The following GARNL3 variants were observed in gnomAD, a reference collection of about 807,000 sequenced individuals.
GARNL3 encodes GTPase activating Rap/RanGAP domain like 3, also known as GTPase-activating Rap/Ran-GAP domain-like protein 3.
A neutral mutation model predicts 125.0 loss-of-function variants in GARNL3; 63 were observed. The observed-to-expected ratio is 0.50, with a 90% confidence interval of 0.41 to 0.62. The LOEUF is 0.62. Ranked by LOEUF, GARNL3 falls within the 20% of genes least tolerant of loss-of-function variation. The pLI is 0.00. For synonymous variants in GARNL3, 439 were observed against 457.5 expected (o/e 0.96, Z 0.52); for missense variants, 994 against 1,244.0 (o/e 0.80, Z 3.02).
At position 127,229,609 on chromosome 9, in the gene GARNL3, C is replaced by G. The variant is rs2062968004; in HGVS notation, c.-29+5271C>G. 2.0e-5 allele frequency among the ~76,000 whole-genome samples: 3 copies of G among 152,350 alleles called. No homozygotes were observed. The South Asian group carries it at 6.2e-4, about 32-fold the overall frequency. ...CTCCTGGACTTAAGCGATTCTCCAACCCCAGCCTCCCGAGTAGCTGAGACT... is the reference window on the plus strand; with the variant it reads ...CTCCTGGACTTAAGCGATTCTCCAAGCCCAGCCTCCCGAGTAGCTGAGACT... On this transcript the variant is annotated intron_variant, in intron 1 of 10. Transcript: ENST00000439286.
rs555794397 is a variant in GARNL3 at position 127,393,408 on chromosome 9, A to G, written c.*154A>G. ...GCACACTCGGCCAGTTCCCTCTCCA[A>G]TGTCCGGTGCCATCTTTCCTGACCT... On this transcript the variant is annotated 3_prime_UTR_variant, in exon 28 of 28. Transcript: ENST00000373387. 11 of 552,822 alleles carry G rather than the reference A, an allele frequency of 2.0e-5. No individual in the cohort carries two copies. Among genetic ancestry groups the G allele is most frequent in the Admixed American group, 3.0e-5 (1 of 33,112 alleles). 34.2% of individuals were successfully genotyped at this position (552,822 alleles called of 1,614,324 possible).
At chr9:127,335,388 A>G (rs1377874448) in intron 10 of GARNL3, 55 bp downstream of exon 10, 4 of 1,315,244 alleles carry the variant, frequency 3.0e-6, no homozygotes, top group Non-Finnish European at 3.3e-6. Flanking sequence ...AGAGGGCACC[A>G]TTATGATTCC....
chr9:127,355,259 C>T, intron 19 of GARNL3, 38 bp from the exon 20 acceptor site: 1 of 1,588,760 alleles, frequency 6.3e-7, no homozygotes. Flanking sequence ...TCCACACCCG[C>T]ATGTCATGTG....
At chr9:127,249,430 A>C (rs1004292500) in intron 2 of GARNL3, among the ~76,000 whole-genome samples, 4 of 151,930 alleles carry the variant, frequency 2.6e-5, no homozygotes, top group Admixed American at 1.3e-4. Flanking sequence ...CCAAAGATGC[A>C]GGAAAATTAG....
At chr9:127,375,327 G>A (rs529133279) in intron 22 of GARNL3, among the ~76,000 whole-genome samples, 4 of 152,112 alleles carry the variant, frequency 2.6e-5, no homozygotes, top group African/African-American at 4.8e-5. Context: ...TTAGCCAGGC[G>A]CGGTGGCAGG....
chr9:127,240,759 T>C (rs2063189554), intron 1 of GARNL3, among the ~76,000 whole-genome samples: 1 of 151,912 alleles, frequency 6.6e-6, no homozygotes, highest in Non-Finnish European at 1.5e-5. Flanking sequence ...TTTTAAAAAA[T>C]TAGCCAGATG....
chr9:127,253,145 T>C (rs2063435465), intron 2 of GARNL3, among the ~76,000 whole-genome samples: 1 of 152,202 alleles, frequency 6.6e-6, no homozygotes, highest in African/African-American at 2.4e-5. Flanking sequence ...AGCTGAGGGA[T>C]TGACTCATGG....
At chr9:127,283,782 A>G (rs1317131771) in intron 1 of GARNL3, among the ~76,000 whole-genome samples, 2 of 152,220 alleles carry the variant, frequency 1.3e-5, no homozygotes, top group African/African-American at 4.8e-5. Flanking sequence ...TCCTAGCCAA[A>G]TGATCACTTA....
At chr9:127,342,437 C>A (rs111279678) in intron 14 of GARNL3, 103 bp downstream of exon 14, 3 of 755,408 alleles carry the variant, frequency 4.0e-6, no homozygotes, top group Admixed American at 4.3e-5. Context: ...GCGTAGGAGG[C>A]GCCTTGATCC....
In GARNL3 at chr9:127,271,590, A is replaced by G. The variant is rs1463711995; in HGVS notation, c.144+6569A>G. Reference sequence around the variant, plus strand: ...ATTCTAGGCAAGACACAGCTATCACACCATCAACCATTCTTCATCACTTTG... The same window carrying G: ...ATTCTAGGCAAGACACAGCTATCACGCCATCAACCATTCTTCATCACTTTG... On this transcript the variant is annotated intron_variant, in intron 1 of 27. Transcript: ENST00000373387. 4.0e-5 allele frequency among the ~76,000 whole-genome samples: 6 copies of G among 150,548 alleles called. No homozygotes were observed. In the South Asian group the frequency reaches 6.2e-4, roughly 16 times the overall value.
At chr9:127,238,876 T>C (rs912751587) in intron 1 of GARNL3, among the ~76,000 whole-genome samples, 1 of 152,196 alleles carries the variant, frequency 6.6e-6, no homozygotes, top group Admixed American at 6.5e-5. Context: ...TCCTGGGTCG[T>C]GTACCCACTA....
chr9:127,368,060 G>C (rs1831385300), intron 22 of GARNL3, among the ~76,000 whole-genome samples: 1 of 134,858 alleles, frequency 7.4e-6, no homozygotes, highest in Non-Finnish European at 1.5e-5. Context: ...TTGTTGCCTA[G>C]GCTGGAGTAT....
chr9:127,271,414 C>T (rs565724758), intron 1 of GARNL3, among the ~76,000 whole-genome samples: 1 of 150,196 alleles, frequency 6.7e-6, no homozygotes, highest in Non-Finnish European at 1.5e-5. Flanking sequence ...TGGCCTAACC[C>T]ATCAAAAATA....
At chr9:127,231,042 A>AT (rs1564835250) in intron 1 of GARNL3, among the ~76,000 whole-genome samples, 57 of 46,532 alleles carry the variant, frequency 1.2e-3, no homozygotes, top group African/African-American at 2.2e-3. Flanking sequence ...ATACATATAT[A>AT]TATATATATT....
intron 7 of GARNL3, among the ~76,000 whole-genome samples, chr9:127,330,076 A>G (rs1393904941): frequency 6.6e-6 from 1 of 152,230 alleles, no homozygotes; most frequent in East Asian, 1.9e-4. Flanking sequence ...GCAAATTATC[A>G]GGCCCTATCC....
chr9:127,357,366 G>C lies in GARNL3; in HGVS notation c.2083G>C (p.Glu695Gln). 6.2e-7 allele frequency: 1 copy of C among 1,613,816 alleles called. No individual in the cohort carries two copies. Among genetic ancestry groups the C allele is most frequent in the Non-Finnish European group, 8.5e-7 (1 of 1,180,024 alleles). Residue 695 changes from glutamate to glutamine, a missense_variant, in exon 21 of 28, where the codon GAG (glutamate) becomes CAG (glutamine). Glu to Gln is a conservative substitution (Grantham distance 29). Transcript: ENST00000373387. The stretch of plus-strand genomic sequence containing the variant: ...AGAAGCCTTCAGGCTGCACCACGTG[G>C]AGGCCAACAGGGTAAGCCAGCGGTT... ...TGEAFRLHHVEANRVNFVAAI... is the reference protein window; with the variant it reads ...TGEAFRLHHVQANRVNFVAAI...
chr9:127,357,421 A>C (rs776813398), intron 21 of GARNL3, 44 bp downstream of exon 21: 1 of 1,594,030 alleles, frequency 6.3e-7, no homozygotes, highest in African/African-American at 1.3e-5. Context: ...AGAAAAGAGT[A>C]ATCATCGTTG....
At chr9:127,353,619 T>C (rs1830525465) in intron 17 of GARNL3, 6 of 512,066 alleles carry the variant, frequency 1.2e-5, no homozygotes, top group Admixed American at 3.7e-5. Context: ...CTATATAGAG[T>C]TCGGGATATA....
At chr9:127,236,619 G>T (rs2063117658) in intron 1 of GARNL3, among the ~76,000 whole-genome samples, 1 of 152,146 alleles carries the variant, frequency 6.6e-6, no homozygotes, top group African/African-American at 2.4e-5. Context: ...TGTAGACAAG[G>T]TCTCACTATG....
Sources: gnomAD v4.1 joint callset for allele counts (sites outside exome capture counted in the v4.1 genomes callset) on GRCh38, gnomAD v4.1.1 for gene constraint, MANE v1.5 for transcripts, NCBI Gene and HGNC (gene_info 2026-07-23, HGNC 2026-07-21) for gene names.